IL1RAPL1: variants seen among roughly 807,000 people sequenced by gnomAD.
IL1RAPL1 encodes the protein interleukin-1 receptor accessory protein-like 1.
Under a neutral mutation model 48.4 loss-of-function variants are expected in IL1RAPL1, and 3 were observed. That is an observed-to-expected ratio of 0.06 (90% confidence interval 0.03 to 0.16). The LOEUF is 0.16. IL1RAPL1 is among the 10% of genes least tolerant of loss of function. The pLI is 1.00. For synonymous variants in IL1RAPL1, 185 were observed against 187.7 expected (o/e 0.99, Z 0.12); for missense variants, 349 against 530.6 (o/e 0.66, Z 3.36).
In IL1RAPL1 at chrX:29,860,213, A is replaced by G. The variant is rs190650126; in HGVS notation, c.779-57251A>G. 3.8e-3 allele frequency among the ~76,000 whole-genome samples: 426 copies of G among 111,833 alleles called. 4 individuals carry two copies. The highest frequency in any genetic ancestry group is 0.013 in the African/African-American group (395 of 30,816). On this transcript the variant is annotated intron_variant, in intron 6 of 10. Transcript: ENST00000378993. ...GAAGAGTGATGTGAAAAATAATACAAGGAACAATGCATTGTTTTTATTCCA... is the reference window on the plus strand; with the variant it reads ...GAAGAGTGATGTGAAAAATAATACAGGGAACAATGCATTGTTTTTATTCCA...
chrX:29,795,902 A>G (rs1389359318), intron 6 of IL1RAPL1, among the ~76,000 whole-genome samples: 2 of 112,794 alleles, frequency 1.8e-5, no homozygotes, highest in Non-Finnish European at 3.7e-5. Flanking sequence ...AAAGACATCA[A>G]GAATAGTTCT....
At chrX:28,915,208 A>G (rs1341487501) in intron 2 of IL1RAPL1, among the ~76,000 whole-genome samples, 1 of 111,145 alleles carries the variant, frequency 9.0e-6, no homozygotes, top group African/African-American at 3.3e-5. Flanking sequence ...TCAGGCGGTA[A>G]TGCTTGCTTG....
At chrX:29,766,997 C>T (rs184121648) in intron 6 of IL1RAPL1, among the ~76,000 whole-genome samples, 1 of 110,319 alleles carries the variant, frequency 9.1e-6, no homozygotes, top group African/African-American at 3.3e-5. Context: ...ACATTCTTTA[C>T]AGTTGTTCCT....
intron 5 of IL1RAPL1, among the ~76,000 whole-genome samples, chrX:29,490,834 A>G (rs866210904): frequency 5.2e-5 from 5 of 96,014 alleles, no homozygotes; most frequent in Admixed American, 2.1e-4. Flanking sequence ...CATCTGAGGT[A>G]TGTGTGTGTG....
At chrX:28,645,648 G>A (rs957462279) in intron 1 of IL1RAPL1, among the ~76,000 whole-genome samples, 1 of 111,341 alleles carries the variant, frequency 9.0e-6, no homozygotes, top group African/African-American at 3.3e-5. Context: ...TTAATGTAAG[G>A]AGAAATTGAA....
chrX:29,408,672 G>A (rs1330127138), intron 5 of IL1RAPL1, among the ~76,000 whole-genome samples: 1 of 111,736 alleles, frequency 8.9e-6, no homozygotes, highest in East Asian at 2.8e-4. Context: ...AGTTAATACA[G>A]CAGAATATTC....
At chrX:29,564,526 A>G (rs1922335972) in intron 5 of IL1RAPL1, among the ~76,000 whole-genome samples, 1 of 113,136 alleles carries the variant, frequency 8.8e-6, no homozygotes, top group Non-Finnish European at 1.9e-5. Flanking sequence ...TTGTAACTTA[A>G]AAAATGGGAA....
chrX:29,316,162 C>T (rs1353245221), intron 3 of IL1RAPL1, among the ~76,000 whole-genome samples: 3 of 111,964 alleles, frequency 2.7e-5, no homozygotes, highest in Non-Finnish European at 5.6e-5. Flanking sequence ...GCCCTCAGGC[C>T]ATTCCCGGAC....
At chrX:29,279,899 C>A (rs576012258) in intron 2 of IL1RAPL1, among the ~76,000 whole-genome samples, 1 of 111,964 alleles carries the variant, frequency 8.9e-6, no homozygotes, top group East Asian at 2.8e-4. Flanking sequence ...ACTTTCTAGA[C>A]TAAATCTTTT....
intron 2 of IL1RAPL1, among the ~76,000 whole-genome samples, chrX:28,983,729 GAGTAGCT>G (rs1211723041): frequency 9.0e-6 from 1 of 111,494 alleles, no homozygotes; most frequent in Non-Finnish European, 1.9e-5. Flanking sequence ...CTTATCCACT[GAGTAGCT>G]TTGACTATAC....
At chrX:29,230,746 A>T (rs1168803918) in intron 2 of IL1RAPL1, among the ~76,000 whole-genome samples, 1 of 110,416 alleles carries the variant, frequency 9.1e-6, no homozygotes, top group Non-Finnish European at 1.9e-5. Flanking sequence ...ATAAGAAGTG[A>T]CCTACAACTA....
chrX:29,821,016 G>A (rs1373069235), intron 6 of IL1RAPL1, among the ~76,000 whole-genome samples: 2 of 111,971 alleles, frequency 1.8e-5, no homozygotes, highest in Non-Finnish European at 1.9e-5. Flanking sequence ...GCTTTGATGT[G>A]TCTTTGGTGG....
chrX:29,619,752 G>A (rs1924402218), intron 5 of IL1RAPL1, among the ~76,000 whole-genome samples: 1 of 111,521 alleles, frequency 9.0e-6, no homozygotes, highest in Admixed American at 9.5e-5. Context: ...TGATATCAAT[G>A]ATCATAATAA....
At chrX:29,113,162 G>A (rs1271368312) in intron 2 of IL1RAPL1, among the ~76,000 whole-genome samples, 3 of 111,654 alleles carry the variant, frequency 2.7e-5, no homozygotes, top group Middle Eastern at 4.2e-3. Flanking sequence ...TATCACAACC[G>A]TTCATAATCC....
chrX:29,484,320 T>A (rs1352387953), intron 5 of IL1RAPL1, among the ~76,000 whole-genome samples: 1 of 111,572 alleles, frequency 9.0e-6, no homozygotes, highest in Non-Finnish European at 1.9e-5. Flanking sequence ...GGGCAAGATC[T>A]TTCTTCTTCC....
chrX:28,998,601 T>C (rs921691170), intron 2 of IL1RAPL1, among the ~76,000 whole-genome samples: 2 of 112,311 alleles, frequency 1.8e-5, no homozygotes, highest in African/African-American at 3.2e-5. Flanking sequence ...TGATTTTAAA[T>C]TGAAACTCAA....
At chrX:28,670,182 A>G (rs1207283599) in intron 1 of IL1RAPL1, among the ~76,000 whole-genome samples, 1 of 111,724 alleles carries the variant, frequency 9.0e-6, no homozygotes, top group East Asian at 2.8e-4. Flanking sequence ...CTTTAAAGCA[A>G]AGACAAGACT....
At position 29,476,872 on chromosome X, in the gene IL1RAPL1, C is replaced by CTTTTTTT. The variant is rs1198120274; in HGVS notation, c.703+77577_703+77583dup. On this transcript the variant is annotated intron_variant, in intron 5 of 10. Coordinates refer to ENST00000378993, the MANE Select transcript of IL1RAPL1 (RefSeq NM_014271.4). Reference sequence around the variant, plus strand: ...GACTCATTTACTTTTTACCCATATTCTTTTTTTTTTTTTTTTTTTGAGACG... The same window carrying CTTTTTTT: ...GACTCATTTACTTTTTACCCATATTCTTTTTTTTTTTTTTTTTTTTTTTTTTGAGACG... 1.9e-3 allele frequency among the ~76,000 whole-genome samples: 102 copies of CTTTTTTT among 53,885 alleles called. 25 individuals carry two copies. Among genetic ancestry groups the CTTTTTTT allele is most frequent in the African/African-American group, 0.013 (98 of 7,311 alleles). 46.8% of individuals were successfully genotyped at this position (53,885 alleles called of 115,157 possible). A position where few individuals can be genotyped will look rare whatever the true frequency, so the allele number is the denominator to read the frequency against.
intron 2 of IL1RAPL1, among the ~76,000 whole-genome samples, chrX:28,914,934 G>T (rs1243048048): frequency 8.9e-6 from 1 of 112,113 alleles, no homozygotes; most frequent in Non-Finnish European, 1.9e-5. Context: ...TGAAAATCCA[G>T]GTTTTACAGT....
Sources: gnomAD v4.1 joint callset for allele counts (sites outside exome capture counted in the v4.1 genomes callset) on GRCh38, gnomAD v4.1.1 for gene constraint, MANE v1.5 for transcripts, NCBI Gene and HGNC (gene_info 2026-07-23, HGNC 2026-07-21) for gene names.